KALRN: variants seen among roughly 807,000 people sequenced by gnomAD.
KALRN encodes kalirin RhoGEF kinase.
A neutral mutation model predicts 353.7 loss-of-function variants in KALRN; 70 were observed. The ratio of observed to expected loss-of-function variants is 0.20; its 90% confidence interval spans 0.16 to 0.24. KALRN has a LOEUF of 0.24. Ranked by LOEUF, KALRN falls within the 10% of genes least tolerant of loss-of-function variation. KALRN has a pLI of 1.00. For synonymous variants in KALRN, 1,391 were observed against 1,434.8 expected (o/e 0.97, Z 0.69); for missense variants, 2,791 against 3,756.7 (o/e 0.74, Z 6.72).
chr3:124,161,626 C>T (rs960588174), intron 1 of KALRN, among the ~76,000 whole-genome samples: 1 of 152,192 alleles, frequency 6.6e-6, no homozygotes, highest in Non-Finnish European at 1.5e-5. Context: ...AAAAATGTCT[C>T]GTGTTATTAT....
At chr3:124,557,682 AAG>A (rs2071438713) in intron 33 of KALRN, among the ~76,000 whole-genome samples, 1 of 152,172 alleles carries the variant, frequency 6.6e-6, no homozygotes. Flanking sequence ...AAGGCTGGCT[AAG>A]AGTTGTGGAG....
At chr3:124,227,913 G>A (rs927207124) in intron 1 of KALRN, 77 bp from the exon 2 acceptor site, 6 of 1,141,982 alleles carry the variant, frequency 5.3e-6, no homozygotes, top group Non-Finnish European at 8.0e-6. Context: ...ATGGGATTGG[G>A]AGACTGAGGA....
At chr3:124,042,305 A>AGAAGGGGACCCGGGAGACTGG (rs2040036229) in intron 1 of KALRN, among the ~76,000 whole-genome samples, 1 of 152,232 alleles carries the variant, frequency 6.6e-6, no homozygotes, top group African/African-American at 2.4e-5. Flanking sequence ...CTAGGCTCCT[A>AGAAGGGGACCCGGGAGACTGG]CATCATGAAG....
chr3:124,037,834 T>C (rs539531609), intron 1 of KALRN, among the ~76,000 whole-genome samples: 16 of 152,120 alleles, frequency 1.1e-4, no homozygotes, highest in Non-Finnish European at 5.9e-5. Flanking sequence ...ACTGACAGTG[T>C]CTGACTGATG....
At chr3:124,619,259 G>A (rs1018208049) in intron 34 of KALRN, among the ~76,000 whole-genome samples, 8 of 151,978 alleles carry the variant, frequency 5.3e-5, no homozygotes, top group African/African-American at 1.7e-4. Flanking sequence ...TAAAGGCTGA[G>A]TAATATTTCA....
At chr3:124,115,932 C>A (rs1242634619) in intron 1 of KALRN, among the ~76,000 whole-genome samples, 1 of 152,160 alleles carries the variant, frequency 6.6e-6, no homozygotes, top group Non-Finnish European at 1.5e-5. Flanking sequence ...AATGGGGATG[C>A]ATTTTTAAAG....
chr3:124,137,154 T>C, intron 1 of KALRN, among the ~76,000 whole-genome samples: 1 of 151,942 alleles, frequency 6.6e-6, no homozygotes, highest in East Asian at 1.9e-4. Flanking sequence ...GACACTGGAG[T>C]CGCCGGTTTT....
chr3:124,329,790 C>T (rs2080319543), intron 7 of KALRN, 71 bp from the exon 8 acceptor site: 2 of 1,538,136 alleles, frequency 1.3e-6, no homozygotes, highest in Admixed American at 3.6e-5. Flanking sequence ...GTATCTGACC[C>T]TCTCTCCATA....
chr3:124,564,005 CAA>C (rs56072904), intron 34 of KALRN, among the ~76,000 whole-genome samples: 18,226 of 96,280 alleles, frequency 0.19, 1,351 homozygotes, highest in South Asian at 0.23. Flanking sequence ...GACTCTGTCT[CAA>C]AAAAAAAAAA....
intron 59 of KALRN, among the ~76,000 whole-genome samples, chr3:124,718,112 C>T (rs988338501): frequency 4.8e-5 from 7 of 146,194 alleles, no homozygotes; most frequent in Admixed American, 3.5e-4. Flanking sequence ...ACATCCATCC[C>T]ATTATGACTA....
chr3:124,545,765 T>C (rs1030631387), intron 33 of KALRN, among the ~76,000 whole-genome samples: 2 of 152,226 alleles, frequency 1.3e-5, no homozygotes, highest in African/African-American at 2.4e-5. Flanking sequence ...GCTGAGACTT[T>C]ATGATGCAGC....
intron 14 of KALRN, among the ~76,000 whole-genome samples, chr3:124,420,618 T>C (rs967012027): frequency 7.9e-5 from 12 of 152,174 alleles, no homozygotes; most frequent in African/African-American, 2.9e-4. Context: ...AGCCGTTCTT[T>C]TCTCTGTCTC....
At chr3:124,167,401 G>A (rs1192249248) in intron 1 of KALRN, among the ~76,000 whole-genome samples, 2 of 152,206 alleles carry the variant, frequency 1.3e-5, no homozygotes, top group African/African-American at 2.4e-5. Context: ...AAGAGCACTG[G>A]ACTCCCTAGA....
intron 45 of KALRN, among the ~76,000 whole-genome samples, chr3:124,664,371 G>GTGTGCGCGCGCGCGCGTGCA (rs780486751): frequency 1.1e-3 from 83 of 77,070 alleles, no homozygotes; most frequent in African/African-American, 8.2e-3. Context: ...GTGTGTGTGT[G>GTGTGCGCGCGCGCGCGTGCA]CGCGCGCGCG....
chr3:124,293,138 C>T (rs989357807), intron 5 of KALRN, among the ~76,000 whole-genome samples: 1 of 152,182 alleles, frequency 6.6e-6, no homozygotes, highest in Non-Finnish European at 1.5e-5. Context: ...GGATGCACCA[C>T]TGTAGTGTAC....
intron 34 of KALRN, among the ~76,000 whole-genome samples, chr3:124,627,116 G>A (rs1174484001): frequency 4.6e-5 from 7 of 152,188 alleles, no homozygotes; most frequent in African/African-American, 1.4e-4. Flanking sequence ...AGCATAACAT[G>A]CCAATCCCTC....
rs576579625 is a variant in KALRN, at chr3:124,250,745, C to T, written c.264-13753C>T. On this transcript the variant is annotated intron_variant, in intron 3 of 59. Coordinates refer to ENST00000682506, the MANE Select transcript of KALRN (RefSeq NM_001388419.1). Reference sequence around the variant, plus strand: ...CTTGGGGGTTGTCTGAGGAGGGCTGCGGAAAATGGGAGGGCTATGTGGGTT... The same window carrying T: ...CTTGGGGGTTGTCTGAGGAGGGCTGTGGAAAATGGGAGGGCTATGTGGGTT... Among the ~76,000 whole-genome samples, 18 of 152,156 alleles carry T rather than the reference C, an allele frequency of 1.2e-4. 1 individual carries two copies. The highest frequency in any genetic ancestry group is 3.9e-4 in the Admixed American group (6 of 15,296).
At chr3:124,486,351 T>C (rs936045770) in intron 28 of KALRN, among the ~76,000 whole-genome samples, 2 of 152,132 alleles carry the variant, frequency 1.3e-5, no homozygotes, top group Non-Finnish European at 2.9e-5. Context: ...TGATGATATA[T>C]GAAAATAAGA....
chr3:124,328,842 A>G (rs181277793), intron 7 of KALRN, among the ~76,000 whole-genome samples: 105 of 152,288 alleles, frequency 6.9e-4, no homozygotes, highest in African/African-American at 2.5e-3. Context: ...TTTTAATGCA[A>G]TTTCTGCAGG....
Sources: gnomAD v4.1 joint callset for allele counts (sites outside exome capture counted in the v4.1 genomes callset) on GRCh38, gnomAD v4.1.1 for gene constraint, MANE v1.5 for transcripts, NCBI Gene and HGNC (gene_info 2026-07-23, HGNC 2026-07-21) for gene names.